Variants in SDAD1 observed in about 807,000 individuals in gnomAD.
SDAD1 encodes SDA1 domain containing 1.
A neutral mutation model predicts 100.3 loss-of-function variants in SDAD1; 79 were observed. The observed-to-expected ratio is 0.79, with a 90% CI of 0.66 to 0.95. The LOEUF (loss-of-function observed/expected upper bound fraction) is 0.95, where lower values mean the gene tolerates loss of function less well. SDAD1 is among the 40% of genes least tolerant of loss of function. The pLI, the probability that SDAD1 is intolerant of heterozygous loss-of-function variation, is 0.00. For missense variants in SDAD1, 790 were observed against 810.9 expected (o/e 0.97, Z 0.31); for synonymous variants, 267 against 271.4 (o/e 0.98, Z 0.16).
chr4:75,960,263 G>A, intron 16 of SDAD1, 71 bp from the exon 17 acceptor site: 1 of 1,289,636 alleles, frequency 7.8e-7, no homozygotes, highest in Non-Finnish European at 1.1e-6. Flanking sequence ...GGTAGTCTCT[G>A]AAATTATGAA....
chr4:75,956,185 G>C, intron 20 of SDAD1, 49 bp from the exon 21 acceptor site: 1 of 1,551,386 alleles, frequency 6.4e-7, no homozygotes, highest in East Asian at 2.2e-5. Flanking sequence ...CATACTTTAG[G>C]AGTCATCTAA....
chr4:75,951,425 C>A (rs1392274897), intron 21 of SDAD1, among the ~76,000 whole-genome samples: 2 of 152,142 alleles, frequency 1.3e-5, no homozygotes, highest in Non-Finnish European at 1.5e-5. Context: ...GAAATTGAAG[C>A]CCTGACAATT....
chr4:75,950,764 T>A lies in SDAD1; in HGVS notation c.2050A>T (p.Lys684Ter). Residue 684 changes from lysine to a stop codon, truncating the protein, a stop_gained, in exon 22 of 22, where the codon AAA (lysine) becomes TAA (stop). Coordinates refer to ENST00000356260, the MANE Select transcript of SDAD1 (RefSeq NM_018115.4). LOFTEE classifies it high-confidence loss of function. ...TTGCCAGGAAGTTACTTCATTCTTT[T>A]TCTCTTTTTCAAAAGTGCATCTCGT... is the stretch of plus-strand genomic sequence containing the variant. ...ALRDALLKKR[K>*]RMK 6 of 1,593,482 alleles carry A rather than the reference T, an allele frequency of 3.8e-6. No individual in the cohort carries two copies. Among genetic ancestry groups the A allele is most frequent in the Non-Finnish European group, 5.2e-6 (6 of 1,163,812 alleles).
intron 21 of SDAD1, among the ~76,000 whole-genome samples, chr4:75,954,369 G>A (rs566723686): frequency 4.5e-4 from 68 of 150,048 alleles, no homozygotes; most frequent in Admixed American, 7.9e-4. Context: ...GTGACAGAGC[G>A]AGACTCTGTC....
At chr4:75,962,641 G>C (rs1315848474) in intron 14 of SDAD1, among the ~76,000 whole-genome samples, 1 of 152,166 alleles carries the variant, frequency 6.6e-6, no homozygotes, top group African/African-American at 2.4e-5. Flanking sequence ...GCATTTCTCT[G>C]ATGGCCAGTG....
At chr4:75,979,005 A>AAC (rs1730331537) in intron 3 of SDAD1, among the ~76,000 whole-genome samples, 1 of 148,688 alleles carries the variant, frequency 6.7e-6, no homozygotes, top group Non-Finnish European at 1.5e-5. Flanking sequence ...AAAAAAAAAA[A>AAC]AAAAAATTCA....
chr4:75,973,173 G>C (rs372934896), intron 8 of SDAD1, 144 bp downstream of exon 8: 1 of 602,746 alleles, frequency 1.7e-6, no homozygotes, highest in Non-Finnish European at 2.9e-6. Context: ...ATTCCAAGTA[G>C]AGTAAAATAG....
intron 1 of SDAD1, among the ~76,000 whole-genome samples, chr4:75,986,170 G>A (rs553550040): frequency 3.4e-4 from 52 of 151,874 alleles, no homozygotes; most frequent in African/African-American, 1.2e-3. Flanking sequence ...CCAGGTTTCC[G>A]TGCAGTGGTG....
At chr4:75,981,641 A>ATGGT in intron 2 of SDAD1, 171 bp from the exon 3 acceptor site, 1 of 1,141,358 alleles carries the variant, frequency 8.8e-7, no homozygotes, top group South Asian at 1.4e-5. Flanking sequence ...AACATTTATC[A>ATGGT]TGGTTTCTCT....
chr4:75,971,449 G>C lies in SDAD1; in HGVS notation c.721C>G (p.Pro241Ala). The part of the protein sequence containing the change: ...DSDSESEDDG[P>A]TARDLLVQYA... Reference sequence around the variant, plus strand: ...TGTACTAGCAGGTCTCTTGCTGTTGGTCCATCATCCTAAAGAAGAAATTAC... The same window carrying C: ...TGTACTAGCAGGTCTCTTGCTGTTGCTCCATCATCCTAAAGAAGAAATTAC... Residue 241 changes from proline (P) to alanine (A), a missense_variant, in exon 9 of 22, where the codon CCA (proline) becomes GCA (alanine). By Grantham distance (27) the Pro-to-Ala change is conservative. Transcript: ENST00000356260. The C allele has an allele frequency of 1.2e-6, 2 of 1,610,388 alleles. No homozygotes were observed. The highest frequency in any genetic ancestry group is 8.5e-7 in the Non-Finnish European group (1 of 1,177,330).
intron 1 of SDAD1, 23 bp downstream of exon 1, chr4:75,990,729 C>T (rs1560562751): frequency 5.0e-6 from 8 of 1,613,542 alleles, no homozygotes; most frequent in East Asian, 2.2e-5. Context: ...CGGCCTCTAG[C>T]GTCTGCCGCG....
intron 21 of SDAD1, among the ~76,000 whole-genome samples, chr4:75,951,100 T>C (rs745741360): frequency 2.0e-5 from 3 of 152,132 alleles, no homozygotes; most frequent in Non-Finnish European, 2.9e-5. Flanking sequence ...TAATAAATAA[T>C]ACTTATTTGG....
intron 1 of SDAD1, among the ~76,000 whole-genome samples, chr4:75,984,778 AACACACAC>A (rs35320227): frequency 3.4e-4 from 46 of 137,026 alleles, no homozygotes; most frequent in East Asian, 3.3e-3. Context: ...CACACACACA[AACACACAC>A]ACACACACAC....
intron 14 of SDAD1, among the ~76,000 whole-genome samples, chr4:75,963,244 G>C (rs891051577): frequency 2.2e-5 from 3 of 134,160 alleles, no homozygotes; most frequent in Non-Finnish European, 4.8e-5. Flanking sequence ...CTGTTCCATT[G>C]GTCTCTATCT....
chr4:75,954,635 A>G (rs1263700665), intron 21 of SDAD1, among the ~76,000 whole-genome samples: 1 of 152,144 alleles, frequency 6.6e-6, no homozygotes. Context: ...TAAAAGATGA[A>G]ATGCTCCTCA....
At chr4:75,957,447 G>C (rs557831207) in intron 19 of SDAD1, 38 bp from the exon 20 acceptor site, 2 of 1,610,306 alleles carry the variant, frequency 1.2e-6, no homozygotes, top group South Asian at 1.1e-5. Context: ...AACAAGAATG[G>C]AATTCTGTTT....
At chr4:75,974,005 C>A in intron 7 of SDAD1, 71 bp downstream of exon 7, 2 of 1,327,326 alleles carry the variant, frequency 1.5e-6, no homozygotes, top group Non-Finnish European at 2.2e-6. Context: ...CTGAGTGATG[C>A]TTTCTTCTAA....
chr4:75,968,350 T>C (rs886104897), intron 11 of SDAD1, among the ~76,000 whole-genome samples: 2 of 152,254 alleles, frequency 1.3e-5, no homozygotes, highest in African/African-American at 4.8e-5. Flanking sequence ...TTCAACGTGA[T>C]ATATGTCTAT....
chr4:75,977,632 G>GT lies in SDAD1; in HGVS notation c.405+13dup. 1 of 1,510,250 alleles carries GT rather than the reference G, an allele frequency of 6.6e-7. No homozygotes were observed. The highest frequency in any genetic ancestry group is 1.7e-5 in the Admixed American group (1 of 59,558). The allele number at this position is 1,510,250 out of a possible 1,614,324, so 93.6% of individuals were successfully genotyped here. ...TCAAGGAAGATGCAGGGAAATATTT[G>GT]TTTTGCCCTTTACCTTTCGCAGAAG... On this transcript the variant is annotated intron_variant, in intron 4 of 21. Coordinates refer to ENST00000356260, the MANE Select transcript of SDAD1 (RefSeq NM_018115.4).
Sources: gnomAD v4.1 joint callset for allele counts (sites outside exome capture counted in the v4.1 genomes callset) on GRCh38, gnomAD v4.1.1 for gene constraint, MANE v1.5 for transcripts, NCBI Gene and HGNC (gene_info 2026-07-23, HGNC 2026-07-21) for gene names.